The following CSMD3 variants were observed in gnomAD, a reference collection of about 807,000 sequenced individuals.
CSMD3 encodes the protein CUB and Sushi multiple domains 3.
A neutral mutation model predicts 435.2 loss-of-function variants in CSMD3; 177 were observed. The observed-to-expected ratio is 0.41, with a 90% confidence interval of 0.36 to 0.46. The LOEUF is 0.46. CSMD3 is among the 20% of genes least tolerant of loss of function. The pLI, the probability that CSMD3 is intolerant of heterozygous loss-of-function variation, is 0.34. For missense variants in CSMD3, 4,265 were observed against 4,504.6 expected (o/e 0.95, Z 1.52); for synonymous variants, 1,656 against 1,520.5 (o/e 1.09, Z -2.07).
At chr8:112,540,596 G>T (rs1375842052) in intron 27 of CSMD3, among the ~76,000 whole-genome samples, 1 of 151,924 alleles carries the variant, frequency 6.6e-6, no homozygotes, top group Non-Finnish European at 1.5e-5. Flanking sequence ...TCAGCCACGG[G>T]GAGGAAAAAC....
intron 2 of CSMD3, among the ~76,000 whole-genome samples, chr8:113,306,694 A>C (rs2093824174): frequency 6.6e-6 from 1 of 152,194 alleles, no homozygotes; most frequent in Non-Finnish European, 1.5e-5. Flanking sequence ...GTAAGAAAAT[A>C]AGTGTAGTGG....
At chr8:112,703,609 A>G (rs2076436715) in intron 13 of CSMD3, among the ~76,000 whole-genome samples, 1 of 152,158 alleles carries the variant, frequency 6.6e-6, no homozygotes, top group African/African-American at 2.4e-5. Flanking sequence ...AGTTGACACT[A>G]TAATTCAAAT....
At chr8:112,878,015 C>T (rs2081337866) in intron 10 of CSMD3, among the ~76,000 whole-genome samples, 1 of 152,074 alleles carries the variant, frequency 6.6e-6, no homozygotes. Flanking sequence ...TGGACAAATA[C>T]TTCATGAGTA....
At chr8:113,038,355 T>C (rs2087451262) in intron 5 of CSMD3, among the ~76,000 whole-genome samples, 1 of 152,170 alleles carries the variant, frequency 6.6e-6, no homozygotes, top group African/African-American at 2.4e-5. Context: ...TAAGAAACCA[T>C]TCATTGAATA....
At chr8:113,019,462 A>T (rs999355909) in intron 5 of CSMD3, among the ~76,000 whole-genome samples, 1 of 151,204 alleles carries the variant, frequency 6.6e-6, no homozygotes, top group African/African-American at 2.4e-5. Flanking sequence ...TTACTGCACC[A>T]ATAATTTATT....
At chr8:113,056,613 A>G (rs2088352146) in intron 5 of CSMD3, among the ~76,000 whole-genome samples, 1 of 152,196 alleles carries the variant, frequency 6.6e-6, no homozygotes. Flanking sequence ...TCATCTTTGA[A>G]TTATCTGTTC....
chr8:112,528,308 C>A (rs547396701), intron 27 of CSMD3, among the ~76,000 whole-genome samples: 136 of 151,842 alleles, frequency 9.0e-4, no homozygotes, highest in Middle Eastern at 6.8e-3. Flanking sequence ...TTAAAAAAAA[C>A]CAAGTAATAA....
rs111527227 is a variant in CSMD3, at chr8:112,706,849, ATAATC to A, written c.1973-16804_1973-16800del. Among the ~76,000 whole-genome samples the A allele has an allele frequency of 5.3e-3, 806 of 152,242 alleles. 2 individuals are homozygous for A. The highest frequency in any genetic ancestry group is 0.018 in the African/African-American group (768 of 41,564). ...CATGACACTACTTTCTTAGGAGTTT[ATAATC>A]TAATAATAGAGCAGTAAAATGGAAG... is the stretch of plus-strand genomic sequence containing the variant. On this transcript the variant is annotated intron_variant, in intron 13 of 70. Transcript: ENST00000297405.
At chr8:112,277,859 C>T (rs554159394) in intron 59 of CSMD3, among the ~76,000 whole-genome samples, 14 of 152,238 alleles carry the variant, frequency 9.2e-5, no homozygotes, top group East Asian at 7.7e-4. Flanking sequence ...AGCACTACCA[C>T]GAGAACAGTA....
intron 28 of CSMD3, among the ~76,000 whole-genome samples, chr8:112,516,544 G>A (rs2130983431): frequency 6.6e-6 from 1 of 152,252 alleles, no homozygotes; most frequent in African/African-American, 2.4e-5. Flanking sequence ...GTATGATCCA[G>A]GCGCTACAGC....
At chr8:112,631,997 A>G (rs1424452551) in intron 22 of CSMD3, among the ~76,000 whole-genome samples, 2 of 152,014 alleles carry the variant, frequency 1.3e-5, no homozygotes, top group Non-Finnish European at 2.9e-5. Flanking sequence ...TAGATCAGTC[A>G]TATTTGATAT....
chr8:112,679,026 T>TTCTCTATG (rs1455669900), intron 16 of CSMD3, among the ~76,000 whole-genome samples: 1 of 150,528 alleles, frequency 6.6e-6, no homozygotes, highest in Non-Finnish European at 1.5e-5. Flanking sequence ...CCAACCATAG[T>TTCTCTATG]TCTCTATGTA....
intron 3 of CSMD3, among the ~76,000 whole-genome samples, chr8:113,207,330 T>C (rs2092782549): frequency 1.3e-5 from 2 of 151,962 alleles, no homozygotes; most frequent in South Asian, 2.1e-4. Context: ...AAGAATTTTT[T>C]CCCAAACTTC....
intron 2 of CSMD3, among the ~76,000 whole-genome samples, chr8:113,291,770 G>A (rs1243804680): frequency 2.0e-5 from 3 of 151,714 alleles, no homozygotes; most frequent in Admixed American, 6.6e-5. Context: ...CAGAGAGAGG[G>A]AATAAATTTT....
intron 13 of CSMD3, among the ~76,000 whole-genome samples, chr8:112,715,364 A>T (rs996254797): frequency 6.6e-6 from 1 of 152,170 alleles, no homozygotes; most frequent in African/African-American, 2.4e-5. Context: ...CCCTCCAAAA[A>T]CTAAACCAGA....
intron 32 of CSMD3, among the ~76,000 whole-genome samples, chr8:112,418,447 A>G (rs960011750): frequency 6.6e-6 from 1 of 152,142 alleles, no homozygotes; most frequent in African/African-American, 2.4e-5. Context: ...TTTGCCCTCC[A>G]TACTGTATAC....
At chr8:113,096,672 T>G (rs2090171652) in intron 5 of CSMD3, among the ~76,000 whole-genome samples, 1 of 152,034 alleles carries the variant, frequency 6.6e-6, no homozygotes, top group Admixed American at 6.6e-5. Flanking sequence ...CTCTATTAAT[T>G]ATCTTTCTTT....
At position 113,256,781 on chromosome 8, in the gene CSMD3, C is replaced by G. The variant is rs181195561; in HGVS notation, c.514+21811G>C. Among the ~76,000 whole-genome samples the G allele has an allele frequency of 1.0e-3, 152 of 152,186 alleles. 2 individuals are homozygous for G. Among genetic ancestry groups the G allele is most frequent in the Non-Finnish European group, 6.5e-4 (44 of 68,008 alleles). ...TGATACTTTGGAATAACATGATGAC[C>G]AAACAGACATTGCAAGTTTTAAGCA... is the stretch of plus-strand genomic sequence containing the variant. On this transcript the variant is annotated intron_variant, in intron 3 of 70. Transcript: ENST00000297405.
intron 13 of CSMD3, among the ~76,000 whole-genome samples, chr8:112,769,046 A>G (rs2078049825): frequency 6.6e-6 from 1 of 151,890 alleles, no homozygotes; most frequent in South Asian, 2.1e-4. Flanking sequence ...GTAAAACATA[A>G]TTTTTGAATT....
Sources: allele counts gnomAD v4.1 joint callset (sites outside exome capture counted in the v4.1 genomes callset), GRCh38; gene constraint gnomAD v4.1.1; transcripts MANE v1.5; gene names NCBI Gene and HGNC (gene_info 2026-07-23, HGNC 2026-07-21).